The following PCDHA13 variants were observed in gnomAD, a reference collection of about 807,000 sequenced individuals.
PCDHA13 encodes protocadherin alpha 13.
In PCDHA13, 54 loss-of-function variants were observed where a neutral mutation model predicts 64.8. The observed-to-expected ratio is 0.83, with a 90% CI of 0.67 to 1.04. The LOEUF is 1.04. Ranked by LOEUF, PCDHA13 falls within the 50% of genes least tolerant of loss-of-function variation. The pLI, the probability that PCDHA13 is intolerant of heterozygous loss-of-function variation, is 0.00. For synonymous variants in PCDHA13, 587 were observed against 564.4 expected (o/e 1.04, Z -0.57); for missense variants, 1,248 against 1,254.3 (o/e 0.99, Z 0.08).
intron 1 of PCDHA13, among the ~76,000 whole-genome samples, chr5:140,902,026 A>G (rs1554190175): frequency 6.6e-6 from 1 of 152,114 alleles, no homozygotes; most frequent in Non-Finnish European, 1.5e-5. Flanking sequence ...TAGAAATACT[A>G]CTAATTTTTG....
At chr5:140,956,622 C>T (rs1438482570) in intron 1 of PCDHA13, among the ~76,000 whole-genome samples, 2 of 152,008 alleles carry the variant, frequency 1.3e-5, no homozygotes, top group African/African-American at 4.8e-5. Context: ...CTTTTTGTTG[C>T]ATCTCTGCCA....
intron 1 of PCDHA13, chr5:140,966,860 T>C (rs1586162562): frequency 3.2e-6 from 5 of 1,577,484 alleles, no homozygotes; most frequent in East Asian, 2.3e-5. Context: ...CCTGCTGCTG[T>C]TGCTGCTGCT....
At chr5:140,960,832 G>T (rs141442734) in intron 1 of PCDHA13, among the ~76,000 whole-genome samples, 1 of 152,230 alleles carries the variant, frequency 6.6e-6, no homozygotes, top group African/African-American at 2.4e-5. Flanking sequence ...TGGAAACTTG[G>T]AACAGGTTTA....
intron 1 of PCDHA13, chr5:140,967,906 C>T (rs529421659): frequency 1.2e-6 from 2 of 1,614,208 alleles, no homozygotes; most frequent in Non-Finnish European, 1.7e-6. Context: ...ATGCTACACC[C>T]AACACCATTG....
At chr5:140,967,113 G>T in intron 1 of PCDHA13, 1 of 1,612,880 alleles carries the variant, frequency 6.2e-7, no homozygotes, top group Non-Finnish European at 8.5e-7. Flanking sequence ...CAGCGGCCTC[G>T]CTGCCTGCTC....
rs565763627 is a variant in PCDHA13, at chr5:140,989,336, C to G, written c.2542+6773C>G. ...GTCTCACCAACTTTGCCACCTGACT[C>G]AGCTCAAAGGTGATAGGTCACCTGT... is the stretch of plus-strand genomic sequence containing the variant. On this transcript the variant is annotated intron_variant, in intron 3 of 3. Transcript: ENST00000289272. Among the ~76,000 whole-genome samples, 6 of 152,272 alleles carry G rather than the reference C, an allele frequency of 3.9e-5. 1 individual carries two copies. In the South Asian group the frequency reaches 1.0e-3, roughly 26 times the overall value.
At chr5:140,932,091 T>G (rs904157159) in intron 1 of PCDHA13, among the ~76,000 whole-genome samples, 1 of 151,872 alleles carries the variant, frequency 6.6e-6, no homozygotes, top group Non-Finnish European at 1.5e-5. Context: ...GAAAACATGG[T>G]TTTTATCTCT....
intron 1 of PCDHA13, among the ~76,000 whole-genome samples, chr5:140,913,040 G>T (rs1554195697): frequency 1.3e-5 from 2 of 152,022 alleles, no homozygotes; most frequent in African/African-American, 4.8e-5. Flanking sequence ...AGATATATTG[G>T]CCTGGAGTTT....
intron 3 of PCDHA13, among the ~76,000 whole-genome samples, chr5:141,004,121 C>T (rs1250923202): frequency 6.6e-6 from 1 of 152,230 alleles, no homozygotes; most frequent in Non-Finnish European, 1.5e-5. Flanking sequence ...AAGGGAGTAT[C>T]TCCATGATTC....
chr5:140,948,763 C>T (rs1195337502), intron 1 of PCDHA13, among the ~76,000 whole-genome samples: 4 of 151,102 alleles, frequency 2.6e-5, no homozygotes, highest in Non-Finnish European at 4.4e-5. Flanking sequence ...TGATTTTTTT[C>T]GAATAGCCAG....
At chr5:140,978,827 G>T (rs2096825118) in intron 1 of PCDHA13, 122 bp from the exon 2 acceptor site, 2 of 1,528,744 alleles carry the variant, frequency 1.3e-6, no homozygotes, top group Admixed American at 2.0e-5. Flanking sequence ...ACATGAAATG[G>T]CTCATTCAAT....
At position 140,883,710 on chromosome 5, in the gene PCDHA13, A is replaced by C. The variant is rs782592824; in HGVS notation, c.1442A>C (p.Asp481Ala). The C allele has an allele frequency of 6.2e-7, 1 of 1,613,516 alleles. No individual in the cohort carries two copies. The highest frequency in any genetic ancestry group is 1.1e-5 in the South Asian group (1 of 91,062). ...GCHIFTVSAQ[D>A]ADAQENALVS... ...CACATCTTCACGGTGTCTGCTCAGG[A>C]CGCGGACGCACAGGAGAACGCGCTG... Residue 481 changes from aspartate (D) to alanine (A), a missense_variant, in exon 1 of 4, where the codon GAC becomes GCC. Transcript: ENST00000289272.
At chr5:140,933,446 C>T (rs543444309) in intron 1 of PCDHA13, among the ~76,000 whole-genome samples, 1 of 151,990 alleles carries the variant, frequency 6.6e-6, no homozygotes, top group Non-Finnish European at 1.5e-5. Flanking sequence ...AATGACATAC[C>T]TTCAAAATAT....
chr5:140,943,276 AAGAAAG>A (rs2093462778), intron 1 of PCDHA13, among the ~76,000 whole-genome samples: 3 of 135,982 alleles, frequency 2.2e-5, no homozygotes, highest in African/African-American at 8.7e-5. Flanking sequence ...AAAAAAAAAA[AAGAAAG>A]AAAGAATTAA....
intron 3 of PCDHA13, among the ~76,000 whole-genome samples, chr5:140,988,630 G>A (rs184253041): frequency 3.1e-4 from 47 of 152,192 alleles, no homozygotes; most frequent in African/African-American, 1.1e-3. Context: ...AGATGTCCTG[G>A]TTTTCTGAAA....
chr5:140,988,847 C>A (rs2097315589), intron 3 of PCDHA13: 1 of 152,186 alleles, frequency 6.6e-6, no homozygotes, highest in African/African-American at 2.4e-5. Context: ...CTCCTGAAAC[C>A]TATCCAGTCT....
chr5:140,982,696 A>G lies in PCDHA13; in HGVS notation c.2542+133A>G. ...GTTATTCCCTTTTTTCCATACATAC[A>G]TGATTTCCTTACATATATGATTATT... On this transcript the variant is annotated intron_variant, in intron 3 of 3. Transcript: ENST00000289272. 2.9e-6 allele frequency: 4 copies of G among 1,397,036 alleles called. No individual in the cohort carries two copies. The East Asian group carries it at 7.6e-5, about 27-fold the overall frequency. 86.5% of individuals were successfully genotyped at this position (1,397,036 alleles called of 1,614,324 possible). A position where few individuals can be genotyped will look rare whatever the true frequency, so the allele number is the denominator to read the frequency against.
At chr5:140,987,995 C>T (rs1554249784) in intron 3 of PCDHA13, among the ~76,000 whole-genome samples, 3 of 152,178 alleles carry the variant, frequency 2.0e-5, no homozygotes, top group African/African-American at 7.2e-5. Flanking sequence ...CATCTCTGAT[C>T]CTTCCCCAGA....
chr5:140,932,042 A>G (rs1419099942), intron 1 of PCDHA13, among the ~76,000 whole-genome samples: 1 of 151,970 alleles, frequency 6.6e-6, no homozygotes, highest in Non-Finnish European at 1.5e-5. Flanking sequence ...ATATTAACAT[A>G]GCCTGTAATA....
Sources: gnomAD v4.1 joint callset for allele counts (sites outside exome capture counted in the v4.1 genomes callset) on GRCh38, gnomAD v4.1.1 for gene constraint, MANE v1.5 for transcripts, NCBI Gene and HGNC (gene_info 2026-07-23, HGNC 2026-07-21) for gene names.